The following VPS13D variants were observed in gnomAD, a reference collection of about 807,000 sequenced individuals.
The protein encoded by VPS13D is intermembrane lipid transfer protein VPS13D.
VPS13D carries 187 observed loss-of-function variants against 461.9 expected under a neutral mutation model. The observed-to-expected ratio is 0.40, with a 90% CI of 0.36 to 0.46. VPS13D has a LOEUF of 0.46. VPS13D is among the 20% of genes least tolerant of loss of function. The pLI, the probability that VPS13D is intolerant of heterozygous loss-of-function variation, is 0.60. For missense variants in VPS13D, 4,711 were observed against 5,364.9 expected, an observed-to-expected ratio of 0.88 and a Z score of 3.81; for synonymous variants, 1,951 against 1,986.3, an observed-to-expected ratio of 0.98 and a Z score of 0.47.
chr1:12,416,704 T>C lies in VPS13D; in HGVS notation c.12210T>C (p.Phe4070=). The C allele has an allele frequency of 2.5e-6, 4 of 1,614,114 alleles. No homozygotes were observed. Among genetic ancestry groups the C allele is most frequent in the Non-Finnish European group, 3.4e-6 (4 of 1,179,998 alleles). The change falls in exon 65 of 70, where the codon TTT becomes TTC. Residue 4070 remains phenylalanine (F), a synonymous_variant. Transcript: ENST00000620676. The part of the protein sequence containing the change: ...QAARILGSVD[F]LGNPMGLLND... ...CTCGAATCCTGGGATCAGTGGATTT[T>C]CTTGGCAATCCTATGGGGCTTTTGA...
At chr1:12,463,931 A>C (rs544680248) in intron 67 of VPS13D, among the ~76,000 whole-genome samples, 1 of 152,354 alleles carries the variant, frequency 6.6e-6, no homozygotes, top group South Asian at 2.1e-4. Context: ...AGGGGTTTGA[A>C]GCCCAACCAG....
At chr1:12,305,912 C>T (rs967944683) in intron 26 of VPS13D, among the ~76,000 whole-genome samples, 2 of 152,158 alleles carry the variant, frequency 1.3e-5, no homozygotes, top group Non-Finnish European at 2.9e-5. Context: ...CATTGTGGTG[C>T]ATTATTTACA....
In VPS13D at chr1:12,497,570, G is replaced by C; in HGVS notation, c.12733G>C (p.Glu4245Gln). Residue 4245 changes from glutamate to glutamine, a missense_variant, in exon 68 of 70, where the codon GAG becomes CAG. Transcript: ENST00000620676. ...GPQGLLPRYS[E>Q]SQAEGQEQLF... ...CCAGGGGCTGCTTCCCCGATATTCT[G>C]AGAGCCAGGCGGAAGGACAGGAGCA... The C allele has an allele frequency of 1.9e-6, 3 of 1,614,120 alleles. No homozygotes were observed. Among genetic ancestry groups the C allele is most frequent in the Non-Finnish European group, 2.5e-6 (3 of 1,180,022 alleles).
chr1:12,284,005 C>G (rs1411957118), intron 21 of VPS13D, among the ~76,000 whole-genome samples: 1 of 152,180 alleles, frequency 6.6e-6, no homozygotes, highest in Non-Finnish European at 1.5e-5. Flanking sequence ...CTTTGCTTCT[C>G]TGAACCGTAG....
Position 12,419,316 on chromosome 1 carries a change from CTA to C in VPS13D, c.12333+2490_12333+2491del. Reference sequence around the variant, plus strand: ...TAGTTGTCTTGCCTTTAATAAGCTACTAGTATTGGAGCCACAGGCTGCAGCTG... The same window carrying C: ...TAGTTGTCTTGCCTTTAATAAGCTACGTATTGGAGCCACAGGCTGCAGCTG... On this transcript the variant is annotated intron_variant, in intron 65 of 69. Coordinates refer to ENST00000620676, the MANE Select transcript of VPS13D (RefSeq NM_015378.4). Among the ~76,000 whole-genome samples the C allele has an allele frequency of 2.0e-5, 3 of 152,270 alleles. No homozygotes were observed. The South Asian group carries it at 6.2e-4, about 32-fold the overall frequency.
intron 67 of VPS13D, among the ~76,000 whole-genome samples, chr1:12,476,418 A>C (rs1347462343): frequency 6.6e-6 from 1 of 152,252 alleles, no homozygotes; most frequent in African/African-American, 2.4e-5. Flanking sequence ...GGGCCAAAGT[A>C]GGCCTTCAGG....
chr1:12,429,050 A>G (rs184058153), intron 65 of VPS13D, among the ~76,000 whole-genome samples: 3 of 150,830 alleles, frequency 2.0e-5, no homozygotes, highest in East Asian at 3.9e-4. Flanking sequence ...AACGGTCTGT[A>G]TTTATTTGCA....
chr1:12,429,301 T>C (rs919371852), intron 65 of VPS13D, among the ~76,000 whole-genome samples: 3 of 151,954 alleles, frequency 2.0e-5, no homozygotes, highest in Non-Finnish European at 2.9e-5. Flanking sequence ...TTTTTTTTTT[T>C]CTCTTTTTGA....
intron 32 of VPS13D, among the ~76,000 whole-genome samples, 176 bp downstream of exon 32, chr1:12,319,806 G>A (rs1368844395): frequency 1.3e-5 from 2 of 152,216 alleles, no homozygotes; most frequent in Non-Finnish European, 2.9e-5. Context: ...TCTAATGCAT[G>A]GATTCAGTCT....
At position 12,509,877 on chromosome 1, in the gene VPS13D, ACT is replaced by A. The variant is rs1415598745; in HGVS notation, c.*856_*857del. On this transcript the variant is annotated 3_prime_UTR_variant, in exon 70 of 70. Coordinates refer to ENST00000620676, the MANE Select transcript of VPS13D (RefSeq NM_015378.4). ...TTAGAGAGGTTGGAAACATTGGTAA[ACT>A]CTGTTGATTGAGAAGGAAAAAAAAA... is the stretch of plus-strand genomic sequence containing the variant. 1 of 152,116 alleles carries A rather than the reference ACT, an allele frequency of 6.6e-6. No individual in the cohort carries two copies. The highest frequency in any genetic ancestry group is 2.4e-5 in the African/African-American group (1 of 41,394). 9.4% of individuals were successfully genotyped at this position (152,116 alleles called of 1,614,324 possible). A position where few individuals can be genotyped will look rare whatever the true frequency, so the allele number is the denominator to read the frequency against.
intron 18 of VPS13D, among the ~76,000 whole-genome samples, chr1:12,273,752 T>TAATA (rs1432465382): frequency 6.6e-6 from 1 of 152,232 alleles, no homozygotes; most frequent in Non-Finnish European, 1.5e-5. Context: ...TATAGCCGAA[T>TAATA]AATAGTCCAT....
At chr1:12,255,551 CT>C (rs967054700) in intron 7 of VPS13D, among the ~76,000 whole-genome samples, 15 of 148,694 alleles carry the variant, frequency 1.0e-4, no homozygotes, top group Non-Finnish European at 1.5e-4. Flanking sequence ...GATATTTGAC[CT>C]TTTTTTTTTC....
intron 63 of VPS13D, among the ~76,000 whole-genome samples, chr1:12,409,178 T>C (rs1157642692): frequency 1.3e-5 from 2 of 152,176 alleles, no homozygotes; most frequent in Non-Finnish European, 2.9e-5. Context: ...AATCTAATTT[T>C]TTTTTGAAAA....
At chr1:12,282,061 A>AT (rs1459040605) in intron 20 of VPS13D, among the ~76,000 whole-genome samples, 3 of 151,858 alleles carry the variant, frequency 2.0e-5, no homozygotes, top group Non-Finnish European at 2.9e-5. Context: ...CTAATTTTGT[A>AT]TTTTTTGTAG....
chr1:12,437,566 A>G (rs1446717137), intron 65 of VPS13D, among the ~76,000 whole-genome samples: 5 of 152,192 alleles, frequency 3.3e-5, no homozygotes, highest in African/African-American at 9.7e-5. Flanking sequence ...AGCACATTAC[A>G]TATGGGAATG....
At chr1:12,305,008 T>G (rs369358884) in intron 26 of VPS13D, among the ~76,000 whole-genome samples, 8 of 152,182 alleles carry the variant, frequency 5.3e-5, no homozygotes, top group African/African-American at 4.8e-5. Context: ...TAGGTGAAAA[T>G]AGTTGCCACC....
In VPS13D at chr1:12,464,785, C is replaced by T. The variant is rs115363404; in HGVS notation, c.12662+4389C>T. Among the ~76,000 whole-genome samples, 683 of 152,284 alleles carry T rather than the reference C, an allele frequency of 4.5e-3. 5 individuals carry two copies. The highest frequency in any genetic ancestry group is 0.015 in the African/African-American group (611 of 41,546). On this transcript the variant is annotated intron_variant, in intron 67 of 69. Transcript: ENST00000620676. The stretch of plus-strand genomic sequence containing the variant: ...CATGAGTGTTGTGGACCAATATCCC[C>T]CACTGCATTTGTTCACTGTACAAGT...
chr1:12,508,108 A>C (rs1040331892), intron 69 of VPS13D, among the ~76,000 whole-genome samples: 3 of 152,328 alleles, frequency 2.0e-5, no homozygotes, highest in Admixed American at 1.3e-4. Context: ...GAGCTGGCTG[A>C]TGAAGAGGGC....
In VPS13D at chr1:12,244,550, A is replaced by T. The variant is rs777699317; in HGVS notation, c.380A>T (p.Gln127Leu). The change falls in exon 5 of 70, where the codon CAG becomes CTG. Residue 127 changes from glutamine (Q) to leucine (L), a missense_variant. By Grantham distance (113) the Gln-to-Leu change is moderately radical. Coordinates refer to ENST00000620676, the MANE Select transcript of VPS13D (RefSeq NM_015378.4). ...LEEKWKNDRQ[Q>L]KGESYWYSVT... The stretch of plus-strand genomic sequence containing the variant: ...TTGTCTTTGTAGAATGACCGCCAGC[A>T]GAAAGGGGAGTCCTATTGGTATTCA... 6 of 1,614,248 alleles carry T rather than the reference A, an allele frequency of 3.7e-6. No individual in the cohort carries two copies. The highest frequency in any genetic ancestry group is 2.2e-5 in the South Asian group (2 of 91,086).
Sources: allele counts gnomAD v4.1 joint callset (sites outside exome capture counted in the v4.1 genomes callset), GRCh38; gene constraint gnomAD v4.1.1; transcripts MANE v1.5; gene names NCBI Gene and HGNC (gene_info 2026-07-23, HGNC 2026-07-21).